The following PCNT variants were observed in gnomAD, a reference collection of about 807,000 sequenced individuals.
PCNT encodes kendrin.
A neutral mutation model predicts 380.4 loss-of-function variants in PCNT; 319 were observed. The ratio of observed to expected loss-of-function variants is 0.84; its 90% CI spans 0.77 to 0.92. The LOEUF (loss-of-function observed/expected upper bound fraction) is 0.92, where lower values mean the gene tolerates loss of function less well. PCNT is among the 40% of genes least tolerant of loss of function. PCNT has a pLI of 0.00. For synonymous variants in PCNT, 1,845 were observed against 1,735.2 expected, an observed-to-expected ratio of 1.06 and a Z score of -1.57; for missense variants, 4,400 against 4,255.3, an observed-to-expected ratio of 1.03 and a Z score of -0.95.
Position 46,363,736 on chromosome 21 carries a change from C to T in PCNT, c.2411C>T (p.Ala804Val). The change falls in exon 14 of 47, where the codon GCA becomes GTA. Residue 804 changes from alanine (A) to valine (V), a missense_variant. Coordinates refer to ENST00000359568, the MANE Select transcript of PCNT (RefSeq NM_006031.6). Reference sequence around the variant, plus strand: ...ATGAGGCAGCTTCAGGACCAACAGGCAGCCCAGATCCTGGATCTGGAGAGG... The same window carrying T: ...ATGAGGCAGCTTCAGGACCAACAGGTAGCCCAGATCCTGGATCTGGAGAGG... Reference protein sequence around the residue: ...AEMRQLQDQQAAQILDLERSL... With the variant: ...AEMRQLQDQQVAQILDLERSL... 6.2e-7 allele frequency: 1 copy of T among 1,614,250 alleles called. No individual in the cohort carries two copies. Among genetic ancestry groups the T allele is most frequent in the Non-Finnish European group, 8.5e-7 (1 of 1,180,050 alleles).
Position 46,397,509 on chromosome 21 carries a change from T to G in PCNT, c.4446+15T>G, listed in dbSNP as rs753362272. 5 of 1,602,612 alleles carry G rather than the reference T, an allele frequency of 3.1e-6. No individual in the cohort carries two copies. The highest frequency in any genetic ancestry group is 4.3e-6 in the Non-Finnish European group (5 of 1,170,200). On this transcript the variant is annotated intron_variant, in intron 22 of 46. Coordinates refer to ENST00000359568, the MANE Select transcript of PCNT (RefSeq NM_006031.6). ...AATTCATGGATGTAAGAATTCTGAA[T>G]AATACATTTTTTTGCATCACTAAAA...
chr21:46,326,278 C>G (rs2083391812), intron 1 of PCNT, 99 bp from the exon 2 acceptor site: 2 of 1,125,238 alleles, frequency 1.8e-6, no homozygotes, highest in East Asian at 5.1e-5. Context: ...TGGGTCAGCC[C>G]TCGGGCCTCA....
intron 15 of PCNT, among the ~76,000 whole-genome samples, chr21:46,367,426 G>C (rs1190399162): frequency 6.6e-6 from 1 of 151,420 alleles, no homozygotes; most frequent in Non-Finnish European, 1.5e-5. Context: ...TTCTGCCTCA[G>C]CCTCCCAAGT....
At chr21:46,326,686 T>A in intron 2 of PCNT, 97 bp downstream of exon 2, 1 of 1,332,784 alleles carries the variant, frequency 7.5e-7, no homozygotes, top group Non-Finnish European at 1.1e-6. Flanking sequence ...TTTTTGCCTT[T>A]CAAAAGTGAG....
chr21:46,381,196 C>CTGTGTG (rs10523538), intron 15 of PCNT, among the ~76,000 whole-genome samples: 8 of 122,238 alleles, frequency 6.5e-5, no homozygotes, highest in African/African-American at 1.9e-4. Context: ...AAAAAAATCT[C>CTGTGTG]TGTGTGTGTG....
Position 46,351,540 on chromosome 21 carries a change from G to A in PCNT, c.1456G>A (p.Glu486Lys), listed in dbSNP as rs1298624943. ...CAGGACCAGTAGACAGGAATTGAGT[G>A]GTGAGGAATTGTATTGGAAAATTCA... ...SARTSRQELS[E>K]LHEQLLARTS... Residue 486 changes from glutamate (E) to lysine (K), a missense_variant and splice_region_variant, in exon 9 of 47, where the codon GAG (glutamate) becomes AAG (lysine). Glu to Lys is a moderately conservative substitution (Grantham distance 56, BLOSUM62 1). Transcript: ENST00000359568. 2 of 1,555,858 alleles carry A rather than the reference G, an allele frequency of 1.3e-6. No homozygotes were observed. The highest frequency in any genetic ancestry group is 1.4e-5 in the African/African-American group (1 of 73,932).
At position 46,427,679 on chromosome 21, in the gene PCNT, G is replaced by A. The variant is rs2087566672; in HGVS notation, c.7378G>A (p.Ala2460Thr). ...RGDLLQVVQE[A>T]FEKEQEMQGV... ...GGACCTTCTGCAGGTTGTGCAAGAG[G>A]CCTTTGAAAAAGAGCAGGAGATGCA... is the stretch of plus-strand genomic sequence containing the variant. Residue 2460 changes from alanine to threonine, a missense_variant, in exon 34 of 47, where the codon GCC becomes ACC. Ala to Thr is a moderately conservative substitution (Grantham distance 58, BLOSUM62 0). Coordinates refer to ENST00000359568, the MANE Select transcript of PCNT (RefSeq NM_006031.6). The A allele has an allele frequency of 1.9e-6, 3 of 1,613,954 alleles. No individual in the cohort carries two copies. The highest frequency in any genetic ancestry group is 2.2e-5 in the East Asian group (1 of 44,884).
chr21:46,416,128 GA>G lies in PCNT; in HGVS notation c.6213del (p.Lys2071AsnfsTer7), dbSNP rs771757744. ...LPKVDLVAQV[K>X]QLQEKLNRLL... ...CGAAGGTCGATCTCGTAGCTCAGGT[GA>G]AACAGCTTCAGGAAAAACTGAACCG... On this transcript the variant is annotated frameshift_variant, in exon 30 of 47. Transcript: ENST00000359568. LOFTEE classifies it high-confidence loss of function. 1.9e-6 allele frequency: 3 copies of G among 1,614,166 alleles called. No homozygotes were observed. The South Asian group carries it at 3.3e-5, about 18-fold the overall frequency.
In PCNT at chr21:46,401,574, G is replaced by A; in HGVS notation, c.4815G>A (p.Gln1605=). 6.2e-7 allele frequency: 1 copy of A among 1,613,806 alleles called. No individual in the cohort carries two copies. The highest frequency in any genetic ancestry group is 8.5e-7 in the Non-Finnish European group (1 of 1,179,702). The change falls in exon 26 of 47, where the codon CAG becomes CAA. Residue 1605 remains glutamine, a synonymous_variant. Transcript: ENST00000359568. Reference sequence around the variant, plus strand: ...AGGATAAAGAGGTGTTAAAGAAACAGCAGATGAGTAGCTTGCTTCTGGCGT... The same window carrying A: ...AGGATAAAGAGGTGTTAAAGAAACAACAGATGAGTAGCTTGCTTCTGGCGT... ...LEQDKEVLKK[Q]QMSSLLLAST...
At chr21:46,429,934 CTG>C in intron 35 of PCNT, 74 bp from the exon 36 acceptor site, 1 of 1,195,320 alleles carries the variant, frequency 8.4e-7, no homozygotes, top group Admixed American at 1.8e-5. Context: ...CCCCACGAGT[CTG>C]TCTCTAACCT....
At chr21:46,398,368 G>C in intron 24 of PCNT, 113 bp downstream of exon 24, 5 of 1,130,570 alleles carry the variant, frequency 4.4e-6, no homozygotes, top group Non-Finnish European at 6.5e-6. Context: ...TTGGGCTGCA[G>C]CCATCTGCTT....
rs1243326676 is a variant in PCNT, at chr21:46,384,210, G to T, written c.3313-1622G>T. Among the ~76,000 whole-genome samples the T allele has an allele frequency of 1.4e-5, 2 of 147,472 alleles. 1 individual carries two copies. Among genetic ancestry groups the T allele is most frequent in the African/African-American group, 5.0e-5 (2 of 40,336 alleles). The stretch of plus-strand genomic sequence containing the variant: ...CGGTGTTGTGCGTTCAGTGGCAGAA[G>T]CGCATTCACGGTGTTGTGCGTTCAG... On this transcript the variant is annotated intron_variant, in intron 16 of 46. Transcript: ENST00000359568.
intron 16 of PCNT, among the ~76,000 whole-genome samples, chr21:46,383,706 TCA>T (rs1429696938): frequency 3.4e-5 from 5 of 145,258 alleles, no homozygotes; most frequent in Non-Finnish European, 6.0e-5. Flanking sequence ...GGAAGCGCAT[TCA>T]CAGTGTTGTA....
Position 46,363,079 on chromosome 21 carries a change from G to A in PCNT, c.2155-401G>A, listed in dbSNP as rs199569972. ...ATCATGCTTGCTGCAGTGGCCCAGC[G>A]CTATCTGTGGGGCTGGCGTTCCCCT... is the stretch of plus-strand genomic sequence containing the variant. On this transcript the variant is annotated intron_variant, in intron 13 of 46. Transcript: ENST00000359568. Among the ~76,000 whole-genome samples the A allele has an allele frequency of 2.2e-4, 34 of 152,294 alleles. No individual in the cohort carries two copies. In the East Asian group the frequency reaches 6.0e-3, roughly 27 times the overall value.
chr21:46,393,346 C>T (rs919119042), intron 21 of PCNT, among the ~76,000 whole-genome samples: 1 of 152,216 alleles, frequency 6.6e-6, no homozygotes, highest in Non-Finnish European at 1.5e-5. Flanking sequence ...ACGTCTCTGA[C>T]GTCCTGCATC....
chr21:46,379,275 C>G (rs769717358), intron 15 of PCNT, among the ~76,000 whole-genome samples: 14 of 151,896 alleles, frequency 9.2e-5, no homozygotes, highest in African/African-American at 3.4e-4. Flanking sequence ...GGCTGCGTGT[C>G]GTGAGCCGCG....
intron 13 of PCNT, among the ~76,000 whole-genome samples, chr21:46,360,133 AG>A (rs1403390191): frequency 6.6e-6 from 1 of 151,710 alleles, no homozygotes; most frequent in African/African-American, 2.4e-5. Context: ...CTGGGATTAC[AG>A]ATGTGAGCCA....
intron 17 of PCNT, among the ~76,000 whole-genome samples, 177 bp downstream of exon 17, chr21:46,386,160 G>A (rs1012893794): frequency 6.6e-6 from 1 of 152,190 alleles, no homozygotes; most frequent in Non-Finnish European, 1.5e-5. Flanking sequence ...TGTAAGCACC[G>A]GGAAGAAATC....
intron 39 of PCNT, among the ~76,000 whole-genome samples, 197 bp from the exon 40 acceptor site, chr21:46,436,782 G>T (rs1009466331): frequency 4.6e-5 from 7 of 152,168 alleles, no homozygotes; most frequent in Non-Finnish European, 8.8e-5. Flanking sequence ...AGGTTTCTGA[G>T]CTCTGCAGAA....
Sources: gnomAD v4.1 joint callset for allele counts (sites outside exome capture counted in the v4.1 genomes callset) on GRCh38, gnomAD v4.1.1 for gene constraint, MANE v1.5 for transcripts, NCBI Gene and HGNC (gene_info 2026-07-23, HGNC 2026-07-21) for gene names.